The following MROH9 variants were observed in gnomAD, a reference collection of about 807,000 sequenced individuals.
MROH9 encodes the protein maestro heat-like repeat-containing protein family member 9.
In MROH9, 92 loss-of-function variants were observed where a neutral mutation model predicts 98.2. The observed-to-expected ratio is 0.94, with a 90% confidence interval of 0.79 to 1.11. MROH9 has a LOEUF of 1.11. Ranked by LOEUF, MROH9 falls within the 50% of genes most tolerant of loss-of-function variation. The probability of loss-of-function intolerance (pLI) is 0.00; values close to 1 mark genes in which losing one functional copy is unlikely to be tolerated. For missense variants in MROH9, 1,057 were observed against 1,014.8 expected (o/e 1.04, Z -0.57); for synonymous variants, 397 against 368.9 (o/e 1.08, Z -0.87).
In MROH9 at chr1:170,945,519, G is replaced by A. The variant is rs1331228930; in HGVS notation, c.-37-1G>A. 1.7e-5 allele frequency: 27 copies of A among 1,610,112 alleles called. No individual in the cohort carries two copies. In the African/African-American group the frequency reaches 2.0e-4, roughly 12 times the overall value. Reference sequence around the variant, plus strand: ...GTACTAATACGTGATATTTTTTGCAGCATTACTAGTAGAAGACTTTAATAC... The same window carrying A: ...GTACTAATACGTGATATTTTTTGCAACATTACTAGTAGAAGACTTTAATAC... On this transcript the variant is annotated splice_acceptor_variant, in intron 1 of 21. Coordinates refer to ENST00000367759, the MANE Select transcript of MROH9 (RefSeq NM_001163629.2). LOFTEE classifies it low-confidence loss of function (5UTR_SPLICE).
intron 3 of MROH9, among the ~76,000 whole-genome samples, chr1:170,949,955 T>G (rs1014358783): frequency 6.6e-6 from 1 of 151,960 alleles, no homozygotes; most frequent in Non-Finnish European, 1.5e-5. Flanking sequence ...ATAGTAAAAA[T>G]AGCTAAAACT....
intron 8 of MROH9, among the ~76,000 whole-genome samples, chr1:170,978,242 G>A (rs979620724): frequency 2.0e-4 from 30 of 152,176 alleles, no homozygotes; most frequent in African/African-American, 7.0e-4. Context: ...GGAAAGATTG[G>A]TCTCCTCTCC....
chr1:171,055,500 G>A (rs772825382), intron 20 of MROH9, among the ~76,000 whole-genome samples: 6 of 151,664 alleles, frequency 4.0e-5, no homozygotes, highest in Admixed American at 2.6e-4. Context: ...GTGCATGCCT[G>A]TAATTCCAGC....
In MROH9 at chr1:170,947,026, T is replaced by C. The variant is rs141589937; in HGVS notation, c.26-501T>C. 8.6e-3 allele frequency among the ~76,000 whole-genome samples: 1,305 copies of C among 152,120 alleles called. 28 individuals are homozygous for C. Among genetic ancestry groups the C allele is most frequent in the African/African-American group, 0.029 (1,224 of 41,534 alleles). ...TGGTAAATGATGGTGGTAGTAATGA[T>C]AATCTTTGTTTTATTCTTTACCTTA... On this transcript the variant is annotated intron_variant, in intron 2 of 21. Transcript: ENST00000367759.
chr1:171,050,160 G>A (rs1403555573), intron 20 of MROH9, among the ~76,000 whole-genome samples: 1 of 152,050 alleles, frequency 6.6e-6, no homozygotes, highest in Non-Finnish European at 1.5e-5. Context: ...GTCTGCTTTT[G>A]TTTTTGTTGT....
In MROH9 at chr1:171,031,121, G is replaced by C. The variant is rs187056902; in HGVS notation, c.2281+5701G>C. Reference sequence around the variant, plus strand: ...GCATTGCAACCCCTGCGGTTTTTTTGCTTTCTGTTTGCTTGGTAAATTTTC... The same window carrying C: ...GCATTGCAACCCCTGCGGTTTTTTTCCTTTCTGTTTGCTTGGTAAATTTTC... On this transcript the variant is annotated intron_variant, in intron 20 of 21. Transcript: ENST00000367759. Among the ~76,000 whole-genome samples the C allele has an allele frequency of 1.4e-3, 210 of 151,732 alleles. 4 individuals carry two copies. The highest frequency in any genetic ancestry group is 1.5e-5 in the Non-Finnish European group (1 of 67,884).
At chr1:171,056,555 C>T (rs1323231174) in intron 20 of MROH9, among the ~76,000 whole-genome samples, 1 of 152,150 alleles carries the variant, frequency 6.6e-6, no homozygotes, top group East Asian at 1.9e-4. Flanking sequence ...CATAGCCTTT[C>T]CTCCTGATAG....
chr1:171,017,040 G>A (rs1348092058), intron 17 of MROH9, among the ~76,000 whole-genome samples: 3 of 152,066 alleles, frequency 2.0e-5, no homozygotes, highest in Admixed American at 1.3e-4. Context: ...ATGAAGAAAA[G>A]CACAGTATTA....
chr1:170,990,042 T>TG, intron 11 of MROH9, 39 bp downstream of exon 11: 1 of 1,574,496 alleles, frequency 6.4e-7, no homozygotes, highest in South Asian at 1.2e-5. Flanking sequence ...CACAAGGGCT[T>TG]GTTCACAGGC....
In MROH9 at chr1:171,016,293, T is replaced by C. The variant is rs748669842; in HGVS notation, c.1865T>C (p.Leu622Ser). Residue 622 changes from leucine to serine, a missense_variant, in exon 17 of 22, where the codon TTG becomes TCG. By Grantham distance (145) the Leu-to-Ser change is moderately radical (BLOSUM62 -2). Transcript: ENST00000367759. ...GAACTGGACAAAGTGACCTACTCTT[T>C]GGGTACCAGAATTGGTTCCAGCTAC... ...LNELDKVTYS[L>S]GTRIGSSYCT... is the part of the protein sequence containing the mutation. 7 of 1,537,060 alleles carry C rather than the reference T, an allele frequency of 4.6e-6. No homozygotes were observed. The South Asian group carries it at 8.6e-5, about 19-fold the overall frequency.
chr1:171,064,082 C>A lies in MROH9; in HGVS notation c.2345-17C>A, dbSNP rs1203179996. 2.0e-6 allele frequency: 3 copies of A among 1,520,756 alleles called. No homozygotes were observed. Among genetic ancestry groups the A allele is most frequent in the African/African-American group, 1.4e-5 (1 of 70,826 alleles). 94.2% of individuals were successfully genotyped at this position (1,520,756 alleles called of 1,614,324 possible). A position where few individuals can be genotyped will look rare whatever the true frequency, so the allele number is the denominator to read the frequency against. On this transcript the variant is annotated splice_polypyrimidine_tract_variant and intron_variant, in intron 21 of 21. Coordinates refer to ENST00000367759, the MANE Select transcript of MROH9 (RefSeq NM_001163629.2). ...AGAAAGAGATAACTTGAACTAAAGT[C>A]TCTTCTGATATTACAGTTATTGAAC... is the stretch of plus-strand genomic sequence containing the variant.
chr1:171,033,538 C>T (rs1355974670), intron 20 of MROH9, among the ~76,000 whole-genome samples: 3 of 152,068 alleles, frequency 2.0e-5, no homozygotes, highest in Non-Finnish European at 4.4e-5. Flanking sequence ...TCAGGCCGGT[C>T]GCCACGCCAC....
intron 20 of MROH9, among the ~76,000 whole-genome samples, chr1:171,057,791 A>G (rs1009189446): frequency 1.3e-5 from 2 of 152,242 alleles, no homozygotes; most frequent in African/African-American, 4.8e-5. Context: ...TCTGCAAACC[A>G]GAACAGATTG....
At position 171,025,432 on chromosome 1, in the gene MROH9, T is replaced by C; in HGVS notation, c.2281+12T>C. 6.8e-7 allele frequency: 1 copy of C among 1,470,094 alleles called. No homozygotes were observed. 91.1% of individuals were successfully genotyped at this position (1,470,094 alleles called of 1,614,324 possible). A position where few individuals can be genotyped will look rare whatever the true frequency, so the allele number is the denominator to read the frequency against. The stretch of plus-strand genomic sequence containing the variant: ...GGTTATTTTGATAGGTAAATATAAT[T>C]CAGTTCTCAATTCCTAACTTGTCTT... On this transcript the variant is annotated intron_variant, in intron 20 of 21. Transcript: ENST00000367759.
intron 7 of MROH9, among the ~76,000 whole-genome samples, chr1:170,971,117 A>T (rs1284448222): frequency 1.3e-5 from 2 of 152,126 alleles, no homozygotes; most frequent in African/African-American, 2.4e-5. Flanking sequence ...TTTGGATATT[A>T]TCTAGCCAGA....
chr1:170,962,012 T>A, intron 6 of MROH9, 36 bp downstream of exon 6: 1 of 1,152,230 alleles, frequency 8.7e-7, no homozygotes, highest in Non-Finnish European at 1.2e-6. Flanking sequence ...TTTCTTGTCA[T>A]AAGTCTAGTA....
intron 8 of MROH9, among the ~76,000 whole-genome samples, chr1:170,979,191 T>G (rs965240291): frequency 2.1e-4 from 32 of 152,360 alleles, no homozygotes; most frequent in African/African-American, 7.7e-4. Flanking sequence ...ATTGTGATAA[T>G]CACTTTATTG....
At chr1:171,036,130 A>G (rs191109638) in intron 20 of MROH9, among the ~76,000 whole-genome samples, 1 of 152,266 alleles carries the variant, frequency 6.6e-6, no homozygotes, top group East Asian at 1.9e-4. Context: ...CACAAAAAGT[A>G]CATATTGTAC....
At chr1:171,010,742 A>C (rs959425832) in intron 15 of MROH9, among the ~76,000 whole-genome samples, 5 of 152,026 alleles carry the variant, frequency 3.3e-5, no homozygotes, top group African/African-American at 1.2e-4. Flanking sequence ...TCTTTTGAGA[A>C]GTTTCTGTTC....
Sources: gnomAD v4.1 joint callset for allele counts (sites outside exome capture counted in the v4.1 genomes callset) on GRCh38, gnomAD v4.1.1 for gene constraint, MANE v1.5 for transcripts, NCBI Gene and HGNC (gene_info 2026-07-23, HGNC 2026-07-21) for gene names.